ANKIB1: variants seen among roughly 807,000 people sequenced by gnomAD.
The protein encoded by ANKIB1 is ankyrin repeat and IBR domain containing 1, also known as ankyrin repeat and IBR domain-containing protein 1.
Under a neutral mutation model 122.1 loss-of-function variants are expected in ANKIB1, and 43 were observed. The observed-to-expected ratio is 0.35, with a 90% confidence interval of 0.28 to 0.45. The LOEUF is 0.45. ANKIB1 is among the 20% of genes least tolerant of loss of function. The pLI is 1.00. For synonymous variants in ANKIB1, 390 were observed against 442.0 expected (o/e 0.88, Z 1.48); for missense variants, 992 against 1,329.5 (o/e 0.75, Z 3.95).
chr7:92,250,983 C>A (rs1801318009), intron 1 of ANKIB1, among the ~76,000 whole-genome samples: 1 of 152,142 alleles, frequency 6.6e-6, no homozygotes, highest in Admixed American at 6.5e-5. Flanking sequence ...GACTGTAGAG[C>A]AGATATTTAA....
intron 2 of ANKIB1, among the ~76,000 whole-genome samples, chr7:92,297,962 C>T (rs1420272076): frequency 6.6e-6 from 1 of 152,134 alleles, no homozygotes; most frequent in South Asian, 2.1e-4. Context: ...TTTCTGGATT[C>T]TCAAATGGCT....
At chr7:92,345,988 A>G (rs760197923) in intron 7 of ANKIB1, among the ~76,000 whole-genome samples, 124 of 152,270 alleles carry the variant, frequency 8.1e-4, no homozygotes, top group Non-Finnish European at 1.5e-3. Context: ...TCTATATACA[A>G]GCTTGAAACC....
At chr7:92,353,462 CT>C (rs2131986520) in intron 9 of ANKIB1, among the ~76,000 whole-genome samples, 1 of 152,188 alleles carries the variant, frequency 6.6e-6, no homozygotes, top group South Asian at 2.1e-4. Context: ...AAGAAAAAAG[CT>C]ACAGTATTTA....
chr7:92,398,500 C>T lies in ANKIB1; in HGVS notation c.2821C>T (p.Pro941Ser). ...TTCAACTGACACCCTGAGCTCACAC[C>T]CTCTCAGTGAGGCAAGAAGTGATTT... is the stretch of plus-strand genomic sequence containing the variant. ...PFSTDTLSSH[P>S]LSEARSDFCP... Residue 941 changes from proline to serine, a missense_variant, in exon 20 of 20, where the codon CCT becomes TCT. Around this residue, in one of 4 missense-constraint regions of ANKIB1, gnomAD observed 384 missense variants for 412.0 expected, o/e 0.93. Transcript: ENST00000265742. 1 of 1,613,904 alleles carries T rather than the reference C, an allele frequency of 6.2e-7. No individual in the cohort carries two copies. Among genetic ancestry groups the T allele is most frequent in the Non-Finnish European group, 8.5e-7 (1 of 1,179,866 alleles).
At chr7:92,258,352 C>T (rs1157360947) in intron 1 of ANKIB1, among the ~76,000 whole-genome samples, 8 of 152,144 alleles carry the variant, frequency 5.3e-5, no homozygotes, top group Non-Finnish European at 1.0e-4. Context: ...TGTCCTAAGC[C>T]AGAGGTTCTC....
chr7:92,255,716 A>T (rs1480048582), intron 1 of ANKIB1, among the ~76,000 whole-genome samples: 1 of 152,146 alleles, frequency 6.6e-6, no homozygotes. Flanking sequence ...GCCATAATAA[A>T]TGTGTCTTCA....
chr7:92,274,997 TTTCTGAGAC>T (rs1256576830), intron 1 of ANKIB1, among the ~76,000 whole-genome samples: 1 of 152,166 alleles, frequency 6.6e-6, no homozygotes, highest in Admixed American at 6.5e-5. Flanking sequence ...ATACCTCCAA[TTTCTGAGAC>T]TTTTTGGTGT....
chr7:92,347,829 T>C (rs1320978878), intron 7 of ANKIB1: 2 of 244,578 alleles, frequency 8.2e-6, no homozygotes, highest in Non-Finnish European at 1.6e-5. Flanking sequence ...GATAATAGTA[T>C]GTGCTTCCTA....
At chr7:92,383,568 A>T (rs181950745) in intron 11 of ANKIB1, among the ~76,000 whole-genome samples, 52 of 152,334 alleles carry the variant, frequency 3.4e-4, no homozygotes, top group South Asian at 1.0e-3. Flanking sequence ...CATCCCTGGG[A>T]TGCAAGACTG....
chr7:92,295,618 T>C (rs1802339598), intron 2 of ANKIB1, among the ~76,000 whole-genome samples: 1 of 152,190 alleles, frequency 6.6e-6, no homozygotes, highest in East Asian at 1.9e-4. Context: ...ATTAGCTATT[T>C]TTAGTTAAAA....
chr7:92,264,632 G>A (rs753705231), intron 1 of ANKIB1, among the ~76,000 whole-genome samples: 41 of 151,644 alleles, frequency 2.7e-4, no homozygotes, highest in Non-Finnish European at 5.6e-4. Context: ...GGCTGGTCTC[G>A]AACTCCTGGC....
chr7:92,290,186 G>A (rs1421945668), intron 1 of ANKIB1, among the ~76,000 whole-genome samples: 1 of 152,156 alleles, frequency 6.6e-6, no homozygotes, highest in Non-Finnish European at 1.5e-5. Context: ...TGAGCTTTCT[G>A]GAATCTTAGA....
At chr7:92,380,977 C>T (rs568025366) in intron 11 of ANKIB1, among the ~76,000 whole-genome samples, 66 of 152,180 alleles carry the variant, frequency 4.3e-4, no homozygotes, top group African/African-American at 1.5e-3. Flanking sequence ...GGAGGAAGTT[C>T]GAACCCATCA....
intron 2 of ANKIB1, among the ~76,000 whole-genome samples, chr7:92,299,119 T>C (rs1394355454): frequency 6.6e-6 from 1 of 152,220 alleles, no homozygotes; most frequent in African/African-American, 2.4e-5. Flanking sequence ...TACTGCCAGT[T>C]ATTTGTTGCT....
intron 2 of ANKIB1, among the ~76,000 whole-genome samples, chr7:92,297,260 C>G (rs1439868940): frequency 6.6e-6 from 1 of 152,194 alleles, no homozygotes; most frequent in African/African-American, 2.4e-5. Flanking sequence ...CTCTTAACCA[C>G]TGTACTGACA....
chr7:92,326,306 G>T (rs919433917), intron 4 of ANKIB1, among the ~76,000 whole-genome samples: 3 of 152,246 alleles, frequency 2.0e-5, no homozygotes, highest in South Asian at 2.1e-4. Flanking sequence ...TGTCAGAACT[G>T]CAAGCAAAGC....
intron 2 of ANKIB1, among the ~76,000 whole-genome samples, chr7:92,303,616 C>T (rs1223469745): frequency 1.3e-5 from 2 of 151,866 alleles, no homozygotes; most frequent in Non-Finnish European, 2.9e-5. Flanking sequence ...GGAAGTAGAG[C>T]CATCATCATG....
intron 11 of ANKIB1, among the ~76,000 whole-genome samples, chr7:92,377,302 G>A (rs1003158325): frequency 6.6e-6 from 1 of 152,114 alleles, no homozygotes; most frequent in Non-Finnish European, 1.5e-5. Flanking sequence ...TGACTAGTTA[G>A]TGAGGTGGTC....
chr7:92,385,100 A>G (rs1380830370), intron 11 of ANKIB1, among the ~76,000 whole-genome samples: 1 of 152,230 alleles, frequency 6.6e-6, no homozygotes, highest in African/African-American at 2.4e-5. Flanking sequence ...TCAAAAGGAG[A>G]CATTTATGCA....
Sources: gnomAD v4.1 joint callset for allele counts (sites outside exome capture counted in the v4.1 genomes callset) on GRCh38, gnomAD v4.1.1 for gene constraint, gnomAD v4.1.1 regional missense constraint, MANE v1.5 for transcripts, NCBI Gene and HGNC (gene_info 2026-07-23, HGNC 2026-07-21) for gene names.